The following ROCK2 variants were observed in gnomAD, a reference collection of about 807,000 sequenced individuals.
ROCK2 encodes rho-associated protein kinase 2.
ROCK2 carries 61 observed loss-of-function variants against 195.1 expected under a neutral mutation model. The ratio of observed to expected loss-of-function variants is 0.31; its 90% confidence interval spans 0.25 to 0.39. The LOEUF is 0.39. ROCK2 is among the 10% of genes least tolerant of loss of function. ROCK2 has a pLI of 1.00. For missense variants in ROCK2, 1,109 were observed against 1,637.4 expected, an observed-to-expected ratio of 0.68 and a Z score of 5.57; for synonymous variants, 504 against 545.5, an observed-to-expected ratio of 0.92 and a Z score of 1.06.
At chr2:11,311,323 A>C (rs1210067676) in intron 1 of ROCK2, among the ~76,000 whole-genome samples, 1 of 152,130 alleles carries the variant, frequency 6.6e-6, no homozygotes, top group Non-Finnish European at 1.5e-5. Flanking sequence ...TTGAGGTGGC[A>C]GGGTGGTGGG....
rs2148045418 is a variant in ROCK2, at chr2:11,202,022, T to G, written c.2619+30A>C. 5 of 1,552,896 alleles carry G rather than the reference T, an allele frequency of 3.2e-6. No homozygotes were observed. The East Asian group carries it at 1.1e-4, about 35-fold the overall frequency. On this transcript the variant is annotated intron_variant, in intron 21 of 32. Transcript: ENST00000315872. ...ATATCCCAACCAAAACTCTGTTTGC[T>G]ATTTGCAAATTAATGTGTCTTGAAC...
chr2:11,192,652 C>T lies in ROCK2; in HGVS notation c.3748G>A (p.Gly1250Arg), dbSNP rs760978628. The T allele has an allele frequency of 2.5e-6, 4 of 1,613,770 alleles. No homozygotes were observed. ...KEQEFPVEPVGEKSNYICHKG... is the reference protein window; with the variant it reads ...KEQEFPVEPVREKSNYICHKG... ...TGGCAAATATAATTAGATTTTTCTC[C>T]AACTGGCTCCACTGGAAATTCTTGT... The change falls in exon 31 of 33, where the codon GGA becomes AGA. Residue 1250 changes from glycine to arginine, a missense_variant. By Grantham distance (125) the Gly-to-Arg change is moderately radical (BLOSUM62 -2). Coordinates refer to ENST00000315872, the MANE Select transcript of ROCK2 (RefSeq NM_004850.5). This position sits in a 1 kb window ranked among gnomAD's most constrained non-coding sequence, Gnocchi z 5.0.
intron 15 of ROCK2, 41 bp from the exon 16 acceptor site, chr2:11,215,127 AC>A: frequency 6.2e-7 from 1 of 1,604,098 alleles, no homozygotes; most frequent in South Asian, 1.1e-5. Context: ...AAACAAACAC[AC>A]ATGTATGTAA....
intron 1 of ROCK2, among the ~76,000 whole-genome samples, chr2:11,314,586 T>C (rs1165943781): frequency 6.6e-6 from 1 of 152,134 alleles, no homozygotes; most frequent in African/African-American, 2.4e-5. Context: ...AATTTGCTTT[T>C]CATAGTTCCT....
intron 4 of ROCK2, among the ~76,000 whole-genome samples, chr2:11,239,123 C>A (rs1002510168): frequency 1.3e-5 from 2 of 151,432 alleles, no homozygotes; most frequent in Non-Finnish European, 3.0e-5. Context: ...CTTAAAAAAA[C>A]ACAGGAGAAT....
At chr2:11,295,971 A>G (rs1667502704) in intron 1 of ROCK2, among the ~76,000 whole-genome samples, 1 of 74,632 alleles carries the variant, frequency 1.3e-5, no homozygotes, top group Non-Finnish European at 3.0e-5. Context: ...AACAAAAGAG[A>G]GAGAGAGAGA....
At chr2:11,288,165 C>T (rs528249354) in intron 1 of ROCK2, among the ~76,000 whole-genome samples, 4 of 152,282 alleles carry the variant, frequency 2.6e-5, no homozygotes, top group African/African-American at 9.6e-5. Context: ...TAACACCATC[C>T]TTACCCTCTG....
chr2:11,202,115 A>G lies in ROCK2; in HGVS notation c.2556T>C (p.Arg852=). ...EKQNAELRKE[R]QDADGQMKEL... ...CTTTCATTTGCCCATCTGCATCCTG[A>G]CGTTCTCTGTGAGGACAATGAATCA... Residue 852 remains arginine, a synonymous_variant, in exon 21 of 33, where the codon CGT becomes CGC. Coordinates refer to ENST00000315872, the MANE Select transcript of ROCK2 (RefSeq NM_004850.5). The G allele has an allele frequency of 6.2e-7, 1 of 1,612,972 alleles. No individual in the cohort carries two copies. Among genetic ancestry groups the G allele is most frequent in the African/African-American group, 1.3e-5 (1 of 75,018 alleles).
intron 4 of ROCK2, among the ~76,000 whole-genome samples, chr2:11,238,050 G>T (rs1483437682): frequency 6.6e-6 from 1 of 152,192 alleles, no homozygotes; most frequent in Non-Finnish European, 1.5e-5. Flanking sequence ...TGCACTCCAG[G>T]CTGGGCGACA....
chr2:11,202,210 A>C, intron 20 of ROCK2, 89 bp from the exon 21 acceptor site: 1 of 1,024,386 alleles, frequency 9.8e-7, no homozygotes, highest in Admixed American at 1.7e-5. Context: ...AAGCCCTGGG[A>C]GTCTCTGAGG....
chr2:11,187,011 C>T (rs1346831221), intron 32 of ROCK2, among the ~76,000 whole-genome samples: 6 of 152,204 alleles, frequency 3.9e-5, no homozygotes, highest in Admixed American at 2.6e-4. Flanking sequence ...TTCAGGCCTG[C>T]GAAACTTATT....
chr2:11,287,876 T>C, intron 1 of ROCK2, 140 bp from the exon 2 acceptor site: 1 of 379,082 alleles, frequency 2.6e-6, no homozygotes, highest in South Asian at 1.2e-4. Context: ...ATAAGTTCCA[T>C]ATCCAACAGC....
intron 3 of ROCK2, among the ~76,000 whole-genome samples, chr2:11,262,175 C>CTA (rs1478298270): frequency 6.6e-6 from 1 of 151,836 alleles, no homozygotes; most frequent in Non-Finnish European, 1.5e-5. Flanking sequence ...GAAAAGATTG[C>CTA]TACATCCCTT....
intron 1 of ROCK2, among the ~76,000 whole-genome samples, chr2:11,290,962 C>T (rs886079084): frequency 6.6e-6 from 1 of 152,152 alleles, no homozygotes; most frequent in Non-Finnish European, 1.5e-5. Flanking sequence ...AGGTTACCAG[C>T]TGAGAAACGT....
intron 6 of ROCK2, among the ~76,000 whole-genome samples, chr2:11,226,432 G>A (rs1043982052): frequency 1.3e-5 from 2 of 152,080 alleles, no homozygotes; most frequent in African/African-American, 4.8e-5. Flanking sequence ...GGTAAACACT[G>A]TATTTATAAT....
At chr2:11,345,224 C>T (rs961325803), upstream of ROCK2, among the ~76,000 whole-genome samples, 5 of 152,202 alleles carry the variant, frequency 3.3e-5, no homozygotes, top group Admixed American at 2.6e-4. Flanking sequence ...AGTCCTGGGG[C>T]AGGAGGGCCT....
chr2:11,194,583 T>C (rs1663554681), intron 28 of ROCK2, among the ~76,000 whole-genome samples: 1 of 151,976 alleles, frequency 6.6e-6, no homozygotes, highest in Non-Finnish European at 1.5e-5. Context: ...TTTTTGGACT[T>C]AGCTTTGGGA....
At chr2:11,264,031 A>C (rs1017393765) in intron 3 of ROCK2, among the ~76,000 whole-genome samples, 1 of 152,060 alleles carries the variant, frequency 6.6e-6, no homozygotes, top group African/African-American at 2.4e-5. Flanking sequence ...ATTCCACTAC[A>C]CATAAACCAG....
chr2:11,285,261 TAAAAAAA>T (rs35144359), intron 3 of ROCK2, among the ~76,000 whole-genome samples: 1 of 117,246 alleles, frequency 8.5e-6, no homozygotes, highest in Non-Finnish European at 1.8e-5. Context: ...AAACTCTGTC[TAAAAAAA>T]AAAAAAAAAA....
Sources: gnomAD v4.1 joint callset for allele counts (sites outside exome capture counted in the v4.1 genomes callset) on GRCh38, gnomAD v4.1.1 for gene constraint, Gnocchi (gnomAD v3.1) non-coding constraint, MANE v1.5 for transcripts, NCBI Gene and HGNC (gene_info 2026-07-23, HGNC 2026-07-21) for gene names.